The following KIAA1549L variants were observed in gnomAD, a reference collection of about 807,000 sequenced individuals.
The protein encoded by KIAA1549L is KIAA1549 like.
Under a neutral mutation model 160.7 loss-of-function variants are expected in KIAA1549L, and 88 were observed. The observed-to-expected ratio is 0.55, with a 90% CI of 0.46 to 0.65. KIAA1549L has a LOEUF of 0.65. KIAA1549L is among the 30% of genes least tolerant of loss of function. The probability of loss-of-function intolerance (pLI) is 0.00; values close to 1 mark genes in which losing one functional copy is unlikely to be tolerated. For synonymous variants in KIAA1549L, 950 were observed against 976.7 expected, an observed-to-expected ratio of 0.97 and a Z score of 0.51; for missense variants, 2,258 against 2,437.5, an observed-to-expected ratio of 0.93 and a Z score of 1.55.
chr11:33,472,303 T>C (rs11032284), intron 1 of KIAA1549L, among the ~76,000 whole-genome samples: 1 of 145,082 alleles, frequency 6.9e-6, no homozygotes, highest in Non-Finnish European at 1.5e-5. Context: ...TTTTTGGTTG[T>C]AGAAACAGGG....
intron 1 of KIAA1549L, among the ~76,000 whole-genome samples, chr11:33,378,120 A>G (rs980642400): frequency 1.3e-5 from 2 of 152,222 alleles, no homozygotes; most frequent in Admixed American, 1.3e-4. Flanking sequence ...TAATTGTTAA[A>G]AGATAAGGCC....
chr11:33,426,441 A>C (rs1234505931), intron 1 of KIAA1549L, among the ~76,000 whole-genome samples: 1 of 152,160 alleles, frequency 6.6e-6, no homozygotes. Flanking sequence ...TGACTGATGG[A>C]GTTCCTGACC....
intron 11 of KIAA1549L, among the ~76,000 whole-genome samples, chr11:33,590,456 G>A (rs1850020028): frequency 6.6e-6 from 1 of 152,166 alleles, no homozygotes; most frequent in African/African-American, 2.4e-5. Context: ...TATGCGTCTT[G>A]GTTTTCATTA....
chr11:33,542,049 A>G lies in KIAA1549L; in HGVS notation c.486A>G (p.Gly162=), dbSNP rs886540119. Residue 162 remains glycine (G), a synonymous_variant, in exon 2 of 21, where the codon GGA becomes GGG. Transcript: ENST00000658780. ...ACTTCTCTTCTTCCCTTTACCAAGG[A>G]AGCGGACATAGCGCCTCCCTCGAAC... ...HADFSSSLYQ[G]SGHSASLEPS... is the part of the protein sequence containing the mutation. 2.1e-6 allele frequency: 1 copy of G among 465,148 alleles called. No homozygotes were observed. Among genetic ancestry groups the G allele is most frequent in the Non-Finnish European group, 4.3e-6 (1 of 232,802 alleles). 28.8% of individuals were successfully genotyped at this position (465,148 alleles called of 1,614,324 possible). A position where few individuals can be genotyped will look rare whatever the true frequency, so the allele number is the denominator to read the frequency against.
chr11:33,637,304 C>A (rs1008092045), intron 16 of KIAA1549L, among the ~76,000 whole-genome samples: 3 of 152,252 alleles, frequency 2.0e-5, no homozygotes, highest in African/African-American at 7.2e-5. Flanking sequence ...GTCATCTCTT[C>A]TGGCCTAGGT....
chr11:33,416,755 C>T (rs1850897628), intron 1 of KIAA1549L, among the ~76,000 whole-genome samples: 1 of 152,154 alleles, frequency 6.6e-6, no homozygotes, highest in Non-Finnish European at 1.5e-5. Flanking sequence ...GTAATAGTCA[C>T]TTTATGGAGA....
intron 1 of KIAA1549L, among the ~76,000 whole-genome samples, chr11:33,471,554 C>A (rs1590269814): frequency 6.6e-6 from 1 of 152,332 alleles, no homozygotes; most frequent in East Asian, 1.9e-4. Context: ...TTACTCAGAA[C>A]AGCTTTATTC....
intron 12 of KIAA1549L, among the ~76,000 whole-genome samples, chr11:33,592,964 T>C (rs1243001207): frequency 6.6e-6 from 1 of 152,196 alleles, no homozygotes; most frequent in Non-Finnish European, 1.5e-5. Context: ...TCAAGGGGGC[T>C]GGCATGAACT....
intron 1 of KIAA1549L, among the ~76,000 whole-genome samples, chr11:33,500,235 A>G (rs978639100): frequency 1.3e-5 from 2 of 152,234 alleles, no homozygotes; most frequent in East Asian, 1.9e-4. Flanking sequence ...AGAGAGGTTA[A>G]GTAACTGTTT....
intron 1 of KIAA1549L, among the ~76,000 whole-genome samples, chr11:33,407,295 A>G (rs778891990): frequency 1.1e-4 from 17 of 151,426 alleles, no homozygotes; most frequent in Non-Finnish European, 1.8e-4. Context: ...CGTGTTAGCC[A>G]GGATGGTCTC....
At chr11:33,569,443 G>C (rs1287353927) in intron 9 of KIAA1549L, among the ~76,000 whole-genome samples, 1 of 152,232 alleles carries the variant, frequency 6.6e-6, no homozygotes, top group African/African-American at 2.4e-5. Context: ...CCTGATTGAT[G>C]ATTGACCACA....
chr11:33,575,838 C>T lies in KIAA1549L; in HGVS notation c.4402+965C>T, dbSNP rs562503125. ...AGGGAATTGGAAAGGTGTATTGATC[C>T]GGAGACTAAGGCCTTGAATGACAGG... On this transcript the variant is annotated intron_variant, in intron 10 of 20. Transcript: ENST00000658780. 6.6e-5 allele frequency among the ~76,000 whole-genome samples: 10 copies of T among 152,204 alleles called. No individual in the cohort carries two copies. In the South Asian group the frequency reaches 1.0e-3, roughly 16 times the overall value.
In KIAA1549L at chr11:33,618,564, C is replaced by T. The variant is rs367577389; in HGVS notation, c.5311C>T (p.Arg1771Trp). 7.5e-6 allele frequency: 12 copies of T among 1,609,952 alleles called. No individual in the cohort carries two copies. The highest frequency in any genetic ancestry group is 4.5e-5 in the East Asian group (2 of 44,766). The change falls in exon 16 of 21, where the codon CGG becomes TGG. Residue 1771 changes from arginine to tryptophan, a missense_variant. Physicochemically the swap from Arg to Trp is moderately radical, Grantham distance 101 (BLOSUM62 -3). Around this residue, in one of 6 missense-constraint regions of KIAA1549L, gnomAD observed 1,359 missense variants for 1,546.6 expected, o/e 0.88. Coordinates refer to ENST00000658780, the MANE Select transcript of KIAA1549L (RefSeq NM_012194.3). ...GATGAAGAACTCTGTCTACAGAAGC[C>T]GGCAGTCTCTGAACAGCCCGAGTCC... ...QQMKNSVYRSRQSLNSPSPGE... is the reference protein window; with the variant it reads ...QQMKNSVYRSWQSLNSPSPGE...
At chr11:33,560,683 AT>A (rs1320369973) in intron 7 of KIAA1549L, among the ~76,000 whole-genome samples, 8 of 152,236 alleles carry the variant, frequency 5.3e-5, no homozygotes, top group Non-Finnish European at 1.2e-4. Context: ...AAATTTAAAC[AT>A]TCTTACATTT....
chr11:33,547,778 C>G lies in KIAA1549L; in HGVS notation c.3400C>G (p.Gln1134Glu), dbSNP rs368859336. Residue 1134 changes from glutamine to glutamate, a missense_variant, in exon 4 of 21, where the codon CAA becomes GAA. Physicochemically the swap from Gln to Glu is conservative, Grantham distance 29. This residue lies in a region of KIAA1549L where 1,359 missense variants were observed against 1,546.6 expected (regional missense o/e 0.88). Coordinates refer to ENST00000658780, the MANE Select transcript of KIAA1549L (RefSeq NM_012194.3). ...TTACCCCACAGTTCTCTTTCTCACC[C>G]AAAGGAGAGTGCAGATCAGTGAATC... Reference protein sequence around the residue: ...LLVKTVLFLTQRRVQISESLK... With the variant: ...LLVKTVLFLTERRVQISESLK... 3.0e-5 allele frequency: 48 copies of G among 1,611,526 alleles called. No individual in the cohort carries two copies. The highest frequency in any genetic ancestry group is 3.6e-5 in the Non-Finnish European group (42 of 1,178,108).
chr11:33,569,480 A>C (rs1855169108), intron 9 of KIAA1549L, among the ~76,000 whole-genome samples: 1 of 152,166 alleles, frequency 6.6e-6, no homozygotes, highest in African/African-American at 2.4e-5. Flanking sequence ...ACCATAGCAC[A>C]CATGCATAGT....
chr11:33,538,721 A>T (rs1483582701), intron 1 of KIAA1549L, among the ~76,000 whole-genome samples: 2 of 152,186 alleles, frequency 1.3e-5, no homozygotes, highest in Admixed American at 6.5e-5. Context: ...TTGATTTCCT[A>T]TAGATATTAT....
intron 14 of KIAA1549L, among the ~76,000 whole-genome samples, chr11:33,607,236 T>G (rs1850530612): frequency 6.6e-6 from 1 of 152,158 alleles, no homozygotes; most frequent in Non-Finnish European, 1.5e-5. Flanking sequence ...TAACGTCATA[T>G]GGACAGGGAT....
rs1174683190 is a variant in KIAA1549L at position 33,543,714 on chromosome 11, G to T, written c.2151G>T (p.Gln717His). ...CAGAATCAATAATATCTGGCTTGCA[G>T]CAGCAAACAAATTATGATTTAAATG... ...LSTESIISGL[Q>H]QQTNYDLNGH... The change falls in exon 2 of 21, where the codon CAG (glutamine) becomes CAT (histidine). Residue 717 changes from glutamine to histidine, a missense_variant. Gln to His is a conservative substitution (Grantham distance 24, BLOSUM62 0). This residue lies in a region of KIAA1549L where 287 missense variants were observed against 292.3 expected (regional missense o/e 0.98). Transcript: ENST00000658780. 2.5e-6 allele frequency: 4 copies of T among 1,613,866 alleles called. No homozygotes were observed. The South Asian group carries it at 4.4e-5, about 18-fold the overall frequency.
Sources: allele counts gnomAD v4.1 joint callset (sites outside exome capture counted in the v4.1 genomes callset), GRCh38; gene constraint gnomAD v4.1.1; regional missense constraint gnomAD v4.1.1; transcripts MANE v1.5; gene names NCBI Gene and HGNC (gene_info 2026-07-23, HGNC 2026-07-21).